Variants in SHTN1 observed in about 807,000 individuals in gnomAD.
SHTN1 encodes shootin 1.
Under a neutral mutation model 83.1 loss-of-function variants are expected in SHTN1, and 42 were observed. The ratio of observed to expected loss-of-function variants is 0.51; its 90% CI spans 0.39 to 0.65. SHTN1 has a LOEUF of 0.65. Among genes scored for constraint, SHTN1 ranks in the 30% least tolerant of loss-of-function variants. The pLI is 0.00. For missense variants in SHTN1, 622 were observed against 737.8 expected, an observed-to-expected ratio of 0.84 and a Z score of 1.82; for synonymous variants, 224 against 247.7, an observed-to-expected ratio of 0.90 and a Z score of 0.90.
intron 2 of SHTN1, among the ~76,000 whole-genome samples, chr10:117,016,009 A>G (rs1852175648): frequency 6.6e-6 from 1 of 152,164 alleles, no homozygotes; most frequent in Admixed American, 6.5e-5. Flanking sequence ...TTCTTTTTGC[A>G]TTCACTGCTT....
chr10:116,981,666 GTATC>G (rs1289824046), intron 1 of SHTN1, among the ~76,000 whole-genome samples: 1 of 152,150 alleles, frequency 6.6e-6, no homozygotes, highest in African/African-American at 2.4e-5. Flanking sequence ...ACATTTAAAA[GTATC>G]TATAGATGAA....
At chr10:116,968,973 C>G (rs764753213) in intron 2 of SHTN1, among the ~76,000 whole-genome samples, 1 of 152,078 alleles carries the variant, frequency 6.6e-6, no homozygotes, top group Non-Finnish European at 1.5e-5. Context: ...AGTAATAGCC[C>G]GATTTAACAT....
chr10:116,944,762 G>A (rs936278132), intron 8 of SHTN1, among the ~76,000 whole-genome samples, 162 bp downstream of exon 8: 5 of 152,068 alleles, frequency 3.3e-5, no homozygotes, highest in African/African-American at 1.2e-4. Flanking sequence ...ACGGTGGCGT[G>A]TGCCTGTAAT....
intron 16 of SHTN1, among the ~76,000 whole-genome samples, chr10:116,894,727 T>C (rs554172113): frequency 2.6e-5 from 4 of 152,304 alleles, no homozygotes; most frequent in Middle Eastern, 3.4e-3. Context: ...CCTTGTCTAA[T>C]TGCAACTGTT....
rs966406533 is a variant in SHTN1, at chr10:116,958,610, C to T, written c.267+1526G>A. On this transcript the variant is annotated intron_variant, in intron 4 of 16. Coordinates refer to ENST00000355371, the MANE Select transcript of SHTN1 (RefSeq NM_001127211.3). Reference sequence around the variant, plus strand: ...ATGGATCTGGGGTATTATGATGAAGCCAACCATGGTCCATCCTGGCATTTA... The same window carrying T: ...ATGGATCTGGGGTATTATGATGAAGTCAACCATGGTCCATCCTGGCATTTA... Among the ~76,000 whole-genome samples, 4 of 152,144 alleles carry T rather than the reference C, an allele frequency of 2.6e-5. No homozygotes were observed. In the East Asian group the frequency reaches 5.8e-4, roughly 22 times the overall value.
At chr10:117,005,371 TG>T (rs1407233751), upstream of SHTN1, 7 of 1,199,964 alleles carry the variant, frequency 5.8e-6, no homozygotes, top group Middle Eastern at 3.5e-4. Flanking sequence ...AGCCTGTGGC[TG>T]CCGGCGCGGC....
intron 3 of SHTN1, among the ~76,000 whole-genome samples, chr10:116,964,708 C>T (rs1449731226): frequency 3.9e-5 from 6 of 152,298 alleles, no homozygotes; most frequent in East Asian, 3.9e-4. Flanking sequence ...AGGGGCTGGG[C>T]GCGGTGGCTC....
chr10:117,036,898 T>C (rs374022757), intron 2 of SHTN1, among the ~76,000 whole-genome samples: 1 of 152,192 alleles, frequency 6.6e-6, no homozygotes, highest in Non-Finnish European at 1.5e-5. Context: ...ACCCCATAAA[T>C]ATATATACCT....
chr10:117,120,575 G>T (rs1369114846), intron 1 of SHTN1, among the ~76,000 whole-genome samples: 2 of 151,912 alleles, frequency 1.3e-5, no homozygotes, highest in Non-Finnish European at 2.9e-5. Flanking sequence ...CATATTGCAC[G>T]CCTATATCAA....
intron 1 of SHTN1, among the ~76,000 whole-genome samples, chr10:117,085,798 T>C (rs975569118): frequency 6.6e-6 from 1 of 152,240 alleles, no homozygotes; most frequent in African/African-American, 2.4e-5. Flanking sequence ...ATTGATGCTC[T>C]GTTGTCAAGT....
chr10:117,057,236 AC>A (rs1852836510), intron 1 of SHTN1, among the ~76,000 whole-genome samples: 1 of 152,190 alleles, frequency 6.6e-6, no homozygotes, highest in African/African-American at 2.4e-5. Flanking sequence ...GAAGACTTAA[AC>A]AGTAAATTGC....
chr10:117,117,440 G>C (rs1853864785), intron 1 of SHTN1, among the ~76,000 whole-genome samples: 1 of 151,978 alleles, frequency 6.6e-6, no homozygotes, highest in South Asian at 2.1e-4. Flanking sequence ...TCATGGGGAA[G>C]AATAGTGTTA....
At chr10:117,101,040 GA>G (rs1348446774) in intron 1 of SHTN1, among the ~76,000 whole-genome samples, 1 of 152,186 alleles carries the variant, frequency 6.6e-6, no homozygotes, top group East Asian at 1.9e-4. Flanking sequence ...AGAAACCCTT[GA>G]AGGATTTTAA....
chr10:117,083,585 C>T (rs976291742), intron 1 of SHTN1, among the ~76,000 whole-genome samples: 9 of 151,566 alleles, frequency 5.9e-5, no homozygotes, highest in African/African-American at 1.9e-4. Context: ...ATTGGCCTGC[C>T]TTGCTAGATT....
At chr10:117,033,632 A>G (rs750331801) in intron 2 of SHTN1, among the ~76,000 whole-genome samples, 1 of 152,162 alleles carries the variant, frequency 6.6e-6, no homozygotes, top group Admixed American at 6.5e-5. Context: ...TCCTACTCAA[A>G]GGACTCCAGA....
chr10:117,076,785 TA>T (rs1450759695), intron 1 of SHTN1, among the ~76,000 whole-genome samples: 1 of 152,212 alleles, frequency 6.6e-6, no homozygotes, highest in African/African-American at 2.4e-5. Context: ...TGCCTCGCAC[TA>T]ATTTGTCCAA....
intron 1 of SHTN1, among the ~76,000 whole-genome samples, chr10:116,993,310 C>T (rs1851512459): frequency 6.6e-6 from 1 of 152,128 alleles, no homozygotes; most frequent in Non-Finnish European, 1.5e-5. Context: ...CCACCATGCA[C>T]TGGCCTGTAT....
At chr10:116,943,285 T>C (rs367685495) in intron 8 of SHTN1, among the ~76,000 whole-genome samples, 1 of 152,250 alleles carries the variant, frequency 6.6e-6, no homozygotes, top group African/African-American at 2.4e-5. Flanking sequence ...TCCATCTGTC[T>C]TCTCTGCTAC....
intron 9 of SHTN1, among the ~76,000 whole-genome samples, chr10:116,938,847 T>C (rs1293971802): frequency 1.3e-5 from 2 of 152,198 alleles, no homozygotes; most frequent in Non-Finnish European, 2.9e-5. Context: ...CTGCCTCTCT[T>C]TCAGAGATGC....
Sources: gnomAD v4.1 joint callset for allele counts (sites outside exome capture counted in the v4.1 genomes callset) on GRCh38, gnomAD v4.1.1 for gene constraint, MANE v1.5 for transcripts, NCBI Gene and HGNC (gene_info 2026-07-23, HGNC 2026-07-21) for gene names.